Variants in TRPV3 observed in about 807,000 individuals in gnomAD.
TRPV3 encodes transient receptor potential cation channel subfamily V member 3, also known as VRL-3.
TRPV3 carries 88 observed loss-of-function variants against 87.1 expected under a neutral mutation model. The ratio of observed to expected loss-of-function variants is 1.01; its 90% CI spans 0.85 to 1.21. The LOEUF is 1.21. TRPV3 is among the 50% of genes most tolerant of loss of function. TRPV3 has a pLI of 0.00. For missense variants in TRPV3, 1,054 were observed against 1,030.1 expected (o/e 1.02, Z -0.32); for synonymous variants, 438 against 423.3 (o/e 1.03, Z -0.43).
At chr17:3,525,060 CCT>C (rs2074284221) in intron 12 of TRPV3, among the ~76,000 whole-genome samples, 1 of 152,150 alleles carries the variant, frequency 6.6e-6, no homozygotes, top group Non-Finnish European at 1.5e-5. Context: ...TGCTCTGTCA[CCT>C]AGGCTGGAGT....
At chr17:3,526,583 G>A (rs939519251) in intron 12 of TRPV3, among the ~76,000 whole-genome samples, 1 of 152,084 alleles carries the variant, frequency 6.6e-6, no homozygotes, top group East Asian at 1.9e-4. Context: ...GGTAGAGTTG[G>A]CCATCACCAC....
chr17:3,527,158 C>G (rs139787380), intron 11 of TRPV3, among the ~76,000 whole-genome samples: 9 of 152,234 alleles, frequency 5.9e-5, no homozygotes, highest in Admixed American at 1.3e-4. Flanking sequence ...CTCCTTACCC[C>G]ATCCTCACCC....
intron 16 of TRPV3, 29 bp from the exon 17 acceptor site, chr17:3,514,701 T>TAG (rs201871427): frequency 0.065 from 101,010 of 1,556,548 alleles, 3,539 homozygotes; most frequent in South Asian, 0.07. Flanking sequence ...TTCTTACTAT[T>TAG]TCACCAGTGC....
At position 3,528,092 on chromosome 17, in the gene TRPV3, A is replaced by C; in HGVS notation, c.1436T>G (p.Met479Arg). 1 of 1,613,610 alleles carries C rather than the reference A, an allele frequency of 6.2e-7. No individual in the cohort carries two copies. The highest frequency in any genetic ancestry group is 8.5e-7 in the Non-Finnish European group (1 of 1,179,878). Residue 479 changes from methionine (M) to arginine (R), a missense_variant, in exon 11 of 18, where the codon ATG becomes AGG. Met to Arg is a moderately conservative substitution (Grantham distance 91). Coordinates refer to ENST00000576742, the MANE Select transcript of TRPV3 (RefSeq NM_145068.4). The surrounding 1 kb of genome is among the most constrained non-coding windows in gnomAD (Gnocchi z 4.2). The part of the protein sequence containing the change: ...IPHPLALTHK[M>R]GWLQLLGRMF... ...CCTCCCTAGGAGCTGCAGCCACCCC[A>C]TCTTGTGCGTCAGGGCCAAGGGGTG...
rs776029739 is a variant in TRPV3 at position 3,514,587 on chromosome 17, C to G, written c.2278+6G>C. On this transcript the variant is annotated splice_donor_region_variant and intron_variant, in intron 17 of 17. Coordinates refer to ENST00000576742, the MANE Select transcript of TRPV3 (RefSeq NM_145068.4). ...CGGACACCATGTCACCTCACAGCGA[C>G]AGTACCTGTTCGTCTTACAGGCCCC... The G allele has an allele frequency of 5.0e-6, 8 of 1,610,468 alleles. No individual in the cohort carries two copies. Among genetic ancestry groups the G allele is most frequent in the Middle Eastern group, 1.7e-4 (1 of 6,046 alleles).
chr17:3,557,704 C>T lies in TRPV3; in HGVS notation c.-31G>A, dbSNP rs1000664749. The T allele has an allele frequency of 3.9e-5, 6 of 152,302 alleles. No homozygotes were observed. Among genetic ancestry groups the T allele is most frequent in the African/African-American group, 1.4e-4 (6 of 41,468 alleles). 9.4% of individuals were successfully genotyped at this position (152,302 alleles called of 1,614,324 possible). A position where few individuals can be genotyped will look rare whatever the true frequency, so the allele number is the denominator to read the frequency against. ...GTGAGGTTCTGGGTGGTCGTGGCAA[C>T]CCTTGCCCTGAGATCACCGCATGTC... is the stretch of plus-strand genomic sequence containing the variant. On this transcript the variant is annotated 5_prime_UTR_variant, in exon 1 of 18. Transcript: ENST00000576742. This position sits in a 1 kb window ranked among gnomAD's most constrained non-coding sequence, Gnocchi z 4.5.
In TRPV3 at chr17:3,511,022, G is replaced by C. The variant is rs886052839; in HGVS notation, c.*2895C>G. On this transcript the variant is annotated 3_prime_UTR_variant, in exon 18 of 18. Coordinates refer to ENST00000576742, the MANE Select transcript of TRPV3 (RefSeq NM_145068.4). ...CCTGAGGAAAAGTTTAGCTAAAGGAGCATTTGCAGCCAAAGGCACTATCTG... is the reference window on the plus strand; with the variant it reads ...CCTGAGGAAAAGTTTAGCTAAAGGACCATTTGCAGCCAAAGGCACTATCTG... 1 of 152,228 alleles carries C rather than the reference G, an allele frequency of 6.6e-6. No homozygotes were observed. The highest frequency in any genetic ancestry group is 1.5e-5 in the Non-Finnish European group (1 of 68,048). The allele number at this position is 152,228 out of a possible 1,614,324, so 9.4% of individuals were successfully genotyped here. A position where few individuals can be genotyped will look rare whatever the true frequency, so the allele number is the denominator to read the frequency against.
At chr17:3,543,837 A>T (rs1462234946) in intron 4 of TRPV3, among the ~76,000 whole-genome samples, 1 of 152,130 alleles carries the variant, frequency 6.6e-6, no homozygotes, top group East Asian at 1.9e-4. Context: ...AAATACCTAC[A>T]TTTGGATGCA....
chr17:3,525,050 T>A (rs543327151), intron 12 of TRPV3, among the ~76,000 whole-genome samples: 9 of 152,162 alleles, frequency 5.9e-5, no homozygotes, highest in Non-Finnish European at 1.2e-4. Flanking sequence ...GACAGGGTCT[T>A]GCTCTGTCAC....
At position 3,550,520 on chromosome 17, in the gene TRPV3, CTTTTTTTTTT is replaced by C. The variant is rs35400667; in HGVS notation, c.119+4202_119+4211del. Among the ~76,000 whole-genome samples, 9 of 92,184 alleles carry C rather than the reference CTTTTTTTTTT, an allele frequency of 9.8e-5. 1 individual carries two copies. Among genetic ancestry groups the C allele is most frequent in the African/African-American group, 3.6e-4 (9 of 25,280 alleles). The allele number at this position is 92,184 out of a possible 152,430, so 60.5% of individuals were successfully genotyped here. A position where few individuals can be genotyped will look rare whatever the true frequency, so the allele number is the denominator to read the frequency against. On this transcript the variant is annotated intron_variant, in intron 2 of 17. Transcript: ENST00000576742. The stretch of plus-strand genomic sequence containing the variant: ...TCCTTCTCTCATTTTCCTGCCTGCT[CTTTTTTTTTT>C]TTTTTTTTTTTTGAGATGGAGTCTC...
intron 2 of TRPV3, among the ~76,000 whole-genome samples, chr17:3,546,141 C>A (rs747081679): frequency 1.3e-5 from 2 of 152,072 alleles, no homozygotes; most frequent in Non-Finnish European, 2.9e-5. Context: ...AGTAAATCTG[C>A]ACTTTATGGA....
Position 3,514,582 on chromosome 17 carries a change from A to G in TRPV3, c.2278+11T>C, listed in dbSNP as rs771130890. 4 of 1,605,810 alleles carry G rather than the reference A, an allele frequency of 2.5e-6. No homozygotes were observed. The highest frequency in any genetic ancestry group is 3.4e-6 in the Non-Finnish European group (4 of 1,172,544). On this transcript the variant is annotated intron_variant, in intron 17 of 17. Transcript: ENST00000576742. ...AGGAGCGGACACCATGTCACCTCAC[A>G]GCGACAGTACCTGTTCGTCTTACAG...
chr17:3,525,488 G>C (rs1390698544), intron 12 of TRPV3, among the ~76,000 whole-genome samples: 1 of 152,084 alleles, frequency 6.6e-6, no homozygotes, highest in Non-Finnish European at 1.5e-5. Context: ...TATGGAGTTT[G>C]AGTTTTACAG....
In TRPV3 at chr17:3,544,953, G is replaced by A. The variant is rs528456322; in HGVS notation, c.224+214C>T. 9.2e-5 allele frequency among the ~76,000 whole-genome samples: 14 copies of A among 152,330 alleles called. No individual in the cohort carries two copies. The East Asian group carries it at 2.5e-3, about 27-fold the overall frequency. ...CGCTTAAACCTGGGAGGTGGAGGCT[G>A]CAGTGAGCTGAGATTGGGCCACTGC... On this transcript the variant is annotated intron_variant, in intron 3 of 17. Transcript: ENST00000576742.
chr17:3,520,668 A>G (rs745993256), intron 14 of TRPV3, among the ~76,000 whole-genome samples: 9 of 152,168 alleles, frequency 5.9e-5, no homozygotes, highest in Non-Finnish European at 1.2e-4. Flanking sequence ...AGAAGTAAAA[A>G]GGTAATGCTT....
At chr17:3,515,600 G>A (rs145234644) in intron 16 of TRPV3, among the ~76,000 whole-genome samples, 2,959 of 152,134 alleles carry the variant, frequency 0.019, 44 homozygotes, top group Non-Finnish European at 0.028. Flanking sequence ...GGCGGAGGTT[G>A]CAGTGAGCAG....
At chr17:3,549,296 GC>G (rs978170362) in intron 2 of TRPV3, among the ~76,000 whole-genome samples, 1 of 152,222 alleles carries the variant, frequency 6.6e-6, no homozygotes, top group African/African-American at 2.4e-5. Flanking sequence ...TGTTTCTGCA[GC>G]TGAGGATACA....
rs59061318 is a variant in TRPV3 at position 3,528,625 on chromosome 17, A to C, written c.1401+212T>G. ...GAATTCTCCAACTTTCCTCCCAGCA[A>C]GGGTCTGCCCTTGGGACTCGGCACC... On this transcript the variant is annotated intron_variant, in intron 10 of 17. Coordinates refer to ENST00000576742, the MANE Select transcript of TRPV3 (RefSeq NM_145068.4). The surrounding 1 kb of genome is among the most constrained non-coding windows in gnomAD (Gnocchi z 4.2). Among the ~76,000 whole-genome samples, 13,124 of 152,200 alleles carry C rather than the reference A, an allele frequency of 0.086. 1,398 individuals are homozygous for C. The highest frequency in any genetic ancestry group is 0.25 in the African/African-American group (10,328 of 41,506).
chr17:3,543,657 C>T (rs2074490827), intron 4 of TRPV3, 29 bp from the exon 5 acceptor site: 1 of 1,611,968 alleles, frequency 6.2e-7, no homozygotes, highest in Middle Eastern at 1.6e-4. Flanking sequence ...TCCAACTCAA[C>T]ACACACATCC....
Sources: allele counts gnomAD v4.1 joint callset (sites outside exome capture counted in the v4.1 genomes callset), GRCh38; gene constraint gnomAD v4.1.1; non-coding constraint Gnocchi (gnomAD v3.1); transcripts MANE v1.5; gene names NCBI Gene and HGNC (gene_info 2026-07-23, HGNC 2026-07-21).